BNC2: variants seen among roughly 807,000 people sequenced by gnomAD.
The protein encoded by BNC2 is basonuclin zinc finger protein 2.
BNC2 carries 20 observed loss-of-function variants against 76.3 expected under a neutral mutation model. That is an observed-to-expected ratio of 0.26 (90% CI 0.18 to 0.38). The LOEUF (loss-of-function observed/expected upper bound fraction) is 0.38. Among genes scored for constraint, BNC2 ranks in the 10% least tolerant of loss-of-function variants. The pLI is 1.00. For missense variants in BNC2, 1,382 were observed against 1,399.8 expected (o/e 0.99, Z 0.20); for synonymous variants, 582 against 514.8 (o/e 1.13, Z -1.77).
chr9:16,601,141 G>T (rs1190152773), intron 3 of BNC2, among the ~76,000 whole-genome samples: 2 of 152,086 alleles, frequency 1.3e-5, no homozygotes, highest in Admixed American at 1.3e-4. Context: ...TTCAGCAAAA[G>T]AAAACTCTTA....
At chr9:16,782,109 AC>A (rs1826170151) in intron 1 of BNC2, among the ~76,000 whole-genome samples, 1 of 151,870 alleles carries the variant, frequency 6.6e-6, no homozygotes, top group Non-Finnish European at 1.5e-5. Flanking sequence ...ACATGAGGAA[AC>A]CCCATCTCTA....
At chr9:16,811,988 C>T (rs1279237207) in intron 1 of BNC2, among the ~76,000 whole-genome samples, 1 of 152,218 alleles carries the variant, frequency 6.6e-6, no homozygotes, top group Non-Finnish European at 1.5e-5. Flanking sequence ...TCTCTGAGTG[C>T]TACTGCAGAA....
At chr9:16,600,351 T>C (rs1820212424) in intron 3 of BNC2, among the ~76,000 whole-genome samples, 1 of 152,212 alleles carries the variant, frequency 6.6e-6, no homozygotes, top group African/African-American at 2.4e-5. Flanking sequence ...TGTGAGGCTA[T>C]TATTTTAATT....
At chr9:16,803,939 T>C (rs1255225848) in intron 1 of BNC2, among the ~76,000 whole-genome samples, 1 of 152,210 alleles carries the variant, frequency 6.6e-6, no homozygotes, top group Non-Finnish European at 1.5e-5. Flanking sequence ...TTAATGTACT[T>C]TGAAAAACTC....
In BNC2 at chr9:16,665,431, A is replaced by G. The variant is rs1180062462; in HGVS notation, c.330+62366T>C. 9.8e-3 allele frequency among the ~76,000 whole-genome samples: 1,296 copies of G among 132,032 alleles called. 9 individuals are homozygous for G. The highest frequency in any genetic ancestry group is 0.014 in the Non-Finnish European group (873 of 63,010). 86.6% of individuals were successfully genotyped at this position (132,032 alleles called of 152,430 possible). On this transcript the variant is annotated intron_variant, in intron 3 of 6. Transcript: ENST00000380672. Reference sequence around the variant, plus strand: ...GAGAGAAAAGAAAGGAAAGAAAGGAAAGAAAAGAAAGAAAGAAAGAAAGAA... The same window carrying G: ...GAGAGAAAAGAAAGGAAAGAAAGGAGAGAAAAGAAAGAAAGAAAGAAAGAA...
intron 5 of BNC2, among the ~76,000 whole-genome samples, chr9:16,494,309 T>C (rs1301968304): frequency 2.0e-5 from 3 of 152,120 alleles, no homozygotes; most frequent in South Asian, 2.1e-4. Context: ...TGTGCCACCA[T>C]GCCCAGCTAA....
chr9:16,796,579 AAAG>A lies in BNC2; in HGVS notation c.4-58097_4-58095del, dbSNP rs1424086641. 3.8e-5 allele frequency among the ~76,000 whole-genome samples: 5 copies of A among 130,368 alleles called. No individual in the cohort carries two copies. In the East Asian group the frequency reaches 7.4e-4, roughly 19 times the overall value. 85.5% of individuals were successfully genotyped at this position (130,368 alleles called of 152,430 possible). On this transcript the variant is annotated intron_variant, in intron 1 of 6. Transcript: ENST00000380672. ...AGAGTGAGACTCCGTCTCAAAAAAA[AAAG>A]AAAGAAAAGGAAAGGAAGGGAAGGG...
chr9:16,661,176 T>G lies in BNC2; in HGVS notation c.330+66621A>C, dbSNP rs185562358. Among the ~76,000 whole-genome samples the G allele has an allele frequency of 2.0e-5, 3 of 152,310 alleles. 1 individual carries two copies. The highest frequency in any genetic ancestry group is 2.0e-4 in the Admixed American group (3 of 15,300). Reference sequence around the variant, plus strand: ...TCTTCATTCCTAGAGAGAAAGAAGGTGTGAGCCCTTACCTCATTCCTGTAT... The same window carrying G: ...TCTTCATTCCTAGAGAGAAAGAAGGGGTGAGCCCTTACCTCATTCCTGTAT... On this transcript the variant is annotated intron_variant, in intron 3 of 6. Transcript: ENST00000380672.
At chr9:16,850,809 T>TAA (rs60704340) in intron 1 of BNC2, among the ~76,000 whole-genome samples, 84 of 148,556 alleles carry the variant, frequency 5.7e-4, no homozygotes, top group East Asian at 7.9e-4. Flanking sequence ...AAAAAGTAAA[T>TAA]AAAAAAAAAA....
intron 1 of BNC2, among the ~76,000 whole-genome samples, chr9:16,753,623 G>A (rs904653974): frequency 2.0e-5 from 3 of 152,132 alleles, no homozygotes; most frequent in South Asian, 2.1e-4. Context: ...CACTGCCAAC[G>A]GGTAAGTCTT....
At chr9:16,547,936 C>T (rs1360560782) in intron 5 of BNC2, among the ~76,000 whole-genome samples, 1 of 152,154 alleles carries the variant, frequency 6.6e-6, no homozygotes, top group African/African-American at 2.4e-5. Flanking sequence ...TATGTAGTTA[C>T]TCCCAAATCT....
chr9:16,658,988 C>A lies in BNC2; in HGVS notation c.330+68809G>T, dbSNP rs7043540. On this transcript the variant is annotated intron_variant, in intron 3 of 6. Transcript: ENST00000380672. ...ATACACAAACCATTGATCATCGCAA[C>A]TGTCTCTTTTTTTGAATGTGATTAA... is the stretch of plus-strand genomic sequence containing the variant. Among the ~76,000 whole-genome samples, 1,357 of 152,250 alleles carry A rather than the reference C, an allele frequency of 8.9e-3. 28 individuals are homozygous for A. Among genetic ancestry groups the A allele is most frequent in the African/African-American group, 0.031 (1,270 of 41,528 alleles).
chr9:16,443,000 C>T (rs1458323569), intron 5 of BNC2, among the ~76,000 whole-genome samples: 2 of 140,722 alleles, frequency 1.4e-5, no homozygotes, highest in Non-Finnish European at 3.0e-5. Context: ...CCCAGCTACT[C>T]GGGAGGCTGA....
At chr9:16,832,734 T>C (rs1400398358) in intron 1 of BNC2, among the ~76,000 whole-genome samples, 1 of 152,116 alleles carries the variant, frequency 6.6e-6, no homozygotes, top group Non-Finnish European at 1.5e-5. Flanking sequence ...TCCTTTTTTT[T>C]TTCTTTTTTT....
At chr9:16,575,926 GAA>G (rs2132938824) in intron 4 of BNC2, among the ~76,000 whole-genome samples, 1 of 152,300 alleles carries the variant, frequency 6.6e-6, no homozygotes, top group African/African-American at 2.4e-5. Flanking sequence ...AAGTCCACTA[GAA>G]AGACAAATTC....
At chr9:16,538,129 T>C (rs1289420681) in intron 5 of BNC2, among the ~76,000 whole-genome samples, 1 of 152,074 alleles carries the variant, frequency 6.6e-6, no homozygotes, top group Non-Finnish European at 1.5e-5. Context: ...AGGTGTAAGG[T>C]AGAACAGAGG....
At chr9:16,559,304 G>A (rs140453316) in intron 4 of BNC2, among the ~76,000 whole-genome samples, 12 of 152,132 alleles carry the variant, frequency 7.9e-5, no homozygotes, top group African/African-American at 1.7e-4. Context: ...ATCAGCTATC[G>A]TTAGTGTGTT....
chr9:16,766,196 T>C (rs2135421071), intron 1 of BNC2, among the ~76,000 whole-genome samples: 1 of 152,320 alleles, frequency 6.6e-6, no homozygotes, highest in Non-Finnish European at 1.5e-5. Context: ...GCTTTCTGTC[T>C]CAACTTTAAT....
chr9:16,565,497 T>A (rs1470340610), intron 4 of BNC2, among the ~76,000 whole-genome samples: 1 of 152,116 alleles, frequency 6.6e-6, no homozygotes, highest in Non-Finnish European at 1.5e-5. Context: ...GTTAATACAC[T>A]AGTGAAGAAA....
Sources: gnomAD v4.1 joint callset for allele counts (sites outside exome capture counted in the v4.1 genomes callset) on GRCh38, gnomAD v4.1.1 for gene constraint, MANE v1.5 for transcripts, NCBI Gene and HGNC (gene_info 2026-07-23, HGNC 2026-07-21) for gene names.